CLK4: variants seen among roughly 807,000 people sequenced by gnomAD.
CLK4 encodes dual specificity protein kinase CLK4.
CLK4 carries 37 observed loss-of-function variants against 64.4 expected under a neutral mutation model. The observed-to-expected ratio is 0.57, with a 90% CI of 0.44 to 0.76. The LOEUF (loss-of-function observed/expected upper bound fraction) is 0.76. Ranked by LOEUF, CLK4 falls within the 30% of genes least tolerant of loss-of-function variation. CLK4 has a pLI of 0.00. For missense variants in CLK4, 457 were observed against 605.1 expected (o/e 0.76, Z 2.57); for synonymous variants, 175 against 191.6 (o/e 0.91, Z 0.72).
chr5:178,611,206 T>G (rs1764552176), intron 9 of CLK4, among the ~76,000 whole-genome samples: 1 of 152,142 alleles, frequency 6.6e-6, no homozygotes. Context: ...AAAATCTGAT[T>G]CTTAAAATGA....
chr5:178,606,011 A>C (rs1455999489), intron 10 of CLK4: 1 of 152,252 alleles, frequency 6.6e-6, no homozygotes, highest in Admixed American at 6.5e-5. Flanking sequence ...TGGAGAGCAG[A>C]GGCTGTATGC....
chr5:178,612,367 A>G (rs775523377), intron 9 of CLK4, 49 bp downstream of exon 9: 1 of 1,533,500 alleles, frequency 6.5e-7, no homozygotes, highest in Non-Finnish European at 8.8e-7. Flanking sequence ...TGTAAAGAAC[A>G]AAAATCTCTT....
At chr5:178,606,913 T>C (rs1764474977) in intron 10 of CLK4, among the ~76,000 whole-genome samples, 1 of 151,464 alleles carries the variant, frequency 6.6e-6, no homozygotes, top group South Asian at 2.1e-4. Context: ...TGAGCTGACG[T>C]TGCGCCACTG....
Position 178,617,905 on chromosome 5 carries a change from A to T in CLK4, c.385-471T>A, listed in dbSNP as rs1363483294. 6.6e-6 allele frequency: 1 copy of T among 152,316 alleles called. No homozygotes were observed. Among genetic ancestry groups the T allele is most frequent in the East Asian group, 1.9e-4 (1 of 5,210 alleles). 9.4% of individuals were successfully genotyped at this position (152,316 alleles called of 1,614,324 possible). On this transcript the variant is annotated intron_variant, in intron 3 of 12. Coordinates refer to ENST00000316308, the MANE Select transcript of CLK4 (RefSeq NM_020666.3). The surrounding 1 kb of genome is among the most constrained non-coding windows in gnomAD (Gnocchi z 5.2). ...CATGATTAAAATAAAAGGGGAAAATAAAGGCTAGTTAATTTCAATGTTCAA... is the reference window on the plus strand; with the variant it reads ...CATGATTAAAATAAAAGGGGAAAATTAAGGCTAGTTAATTTCAATGTTCAA...
chr5:178,613,917 A>AACAT, intron 5 of CLK4, 74 bp from the exon 6 acceptor site: 11 of 1,080,036 alleles, frequency 1.0e-5, no homozygotes, highest in Non-Finnish European at 1.6e-5. Flanking sequence ...TCTAAAGCAT[A>AACAT]GTCTTAATTA....
intron 5 of CLK4, among the ~76,000 whole-genome samples, chr5:178,616,021 T>C (rs1313709938): frequency 6.6e-6 from 1 of 152,228 alleles, no homozygotes; most frequent in East Asian, 1.9e-4. Flanking sequence ...TTCTGGGAAA[T>C]TCCTTCACTT....
rs199959394 is a variant in CLK4 at position 178,616,934 on chromosome 5, T to A, written c.490A>T (p.Thr164Ser). 102 of 1,613,254 alleles carry A rather than the reference T, an allele frequency of 6.3e-5. No homozygotes were observed. The African/African-American group carries it at 1.3e-3, about 20-fold the overall frequency. The change falls in exon 5 of 13, where the codon ACT (threonine) becomes TCT (serine). Residue 164 changes from threonine to serine, a missense_variant. Coordinates refer to ENST00000316308, the MANE Select transcript of CLK4 (RefSeq NM_020666.3). The part of the protein sequence containing the change: ...VLRARYEIVD[T>S]LGEGAFGKVV... Reference sequence around the variant, plus strand: ...TTGCCAAAGGCTCCTTCACCCAAAGTGTCCACGATTTCATCTAGAGTGAGG... The same window carrying A: ...TTGCCAAAGGCTCCTTCACCCAAAGAGTCCACGATTTCATCTAGAGTGAGG...
chr5:178,624,033 G>GT (rs1764746739), intron 1 of CLK4, among the ~76,000 whole-genome samples: 1 of 152,192 alleles, frequency 6.6e-6, no homozygotes. Flanking sequence ...AGGTGACTTT[G>GT]TTTTAATGGT....
intron 9 of CLK4, among the ~76,000 whole-genome samples, chr5:178,610,309 A>G (rs1764539182): frequency 6.6e-6 from 1 of 151,404 alleles, no homozygotes; most frequent in African/African-American, 2.4e-5. Flanking sequence ...AAAAAGTTTT[A>G]TTTTTCAACC....
intron 2 of CLK4, chr5:178,622,496 C>T (rs930181421): frequency 7.9e-6 from 7 of 891,174 alleles, no homozygotes; most frequent in African/African-American, 3.6e-5. Flanking sequence ...ACAAAACAAA[C>T]GAAAAAGGGA....
chr5:178,622,184 GTATT>G (rs1764716582), intron 2 of CLK4: 1 of 152,338 alleles, frequency 6.6e-6, no homozygotes, highest in African/African-American at 2.4e-5. Flanking sequence ...AGGGTTTTTT[GTATT>G]TATTAATAGT....
chr5:178,626,692 G>A (rs1037311282), intron 1 of CLK4, among the ~76,000 whole-genome samples: 5 of 145,110 alleles, frequency 3.4e-5, no homozygotes. Context: ...CCAGGCAGCA[G>A]GGGACCGCGA....
rs2113810060 is a variant in CLK4, at chr5:178,617,210, T to C, written c.475+134A>G. On this transcript the variant is annotated intron_variant, in intron 4 of 12. Coordinates refer to ENST00000316308, the MANE Select transcript of CLK4 (RefSeq NM_020666.3). The surrounding 1 kb of genome is among the most constrained non-coding windows in gnomAD (Gnocchi z 5.2). ...TAAATTCTACAGAAAAGAAGAAATA[T>C]AAAAGAACAAACAAACCCACAAAAA... The C allele has an allele frequency of 1.4e-6, 1 of 704,910 alleles. No individual in the cohort carries two copies. The highest frequency in any genetic ancestry group is 2.4e-6 in the Non-Finnish European group (1 of 415,808). The allele number at this position is 704,910 out of a possible 1,614,324, so 43.7% of individuals were successfully genotyped here.
In CLK4 at chr5:178,617,062, C is replaced by T. The variant is rs1022999661; in HGVS notation, c.476-114G>A. On this transcript the variant is annotated intron_variant, in intron 4 of 12. Transcript: ENST00000316308. This position sits in a 1 kb window ranked among gnomAD's most constrained non-coding sequence, Gnocchi z 5.2. Reference sequence around the variant, plus strand: ...TCAAATGATCTCTAACAAAGCATAACTAAGGTTTCAGCACTCAAATTATTT... The same window carrying T: ...TCAAATGATCTCTAACAAAGCATAATTAAGGTTTCAGCACTCAAATTATTT... 11 of 767,034 alleles carry T rather than the reference C, an allele frequency of 1.4e-5. No individual in the cohort carries two copies. Among genetic ancestry groups the T allele is most frequent in the African/African-American group, 3.5e-5 (2 of 56,600 alleles). 47.5% of individuals were successfully genotyped at this position (767,034 alleles called of 1,614,324 possible). A position where few individuals can be genotyped will look rare whatever the true frequency, so the allele number is the denominator to read the frequency against.
At chr5:178,612,120 A>G (rs769126478) in intron 9 of CLK4, among the ~76,000 whole-genome samples, 7 of 151,822 alleles carry the variant, frequency 4.6e-5, no homozygotes, top group Non-Finnish European at 1.0e-4. Context: ...GTACTCATAT[A>G]ACTTCAAAAT....
chr5:178,617,101 T>C lies in CLK4; in HGVS notation c.476-153A>G. ...CTCAAATTATTTTAGTTTCAGCTGCTACAAAAACAATTAGATAGAGCTATC... is the reference window on the plus strand; with the variant it reads ...CTCAAATTATTTTAGTTTCAGCTGCCACAAAAACAATTAGATAGAGCTATC... On this transcript the variant is annotated intron_variant, in intron 4 of 12. Transcript: ENST00000316308. The surrounding 1 kb of genome is among the most constrained non-coding windows in gnomAD (Gnocchi z 5.2). 1 of 661,100 alleles carries C rather than the reference T, an allele frequency of 1.5e-6. No homozygotes were observed. The highest frequency in any genetic ancestry group is 2.7e-6 in the Non-Finnish European group (1 of 377,104). 41.0% of individuals were successfully genotyped at this position (661,100 alleles called of 1,614,324 possible).
chr5:178,612,662 AAAG>A (rs1264265591), intron 8 of CLK4, 117 bp from the exon 9 acceptor site: 15 of 1,213,760 alleles, frequency 1.2e-5, no homozygotes, highest in East Asian at 2.4e-5. Flanking sequence ...TGAGAAAGGC[AAAG>A]AAGGATTACT....
chr5:178,611,668 C>T (rs1238220466), intron 9 of CLK4, among the ~76,000 whole-genome samples: 1 of 152,136 alleles, frequency 6.6e-6, no homozygotes, highest in African/African-American at 2.4e-5. Context: ...TACCAAGTCC[C>T]GTTGGACACA....
At chr5:178,615,788 T>C (rs1764619046) in intron 5 of CLK4, among the ~76,000 whole-genome samples, 1 of 152,218 alleles carries the variant, frequency 6.6e-6, no homozygotes. Flanking sequence ...AGAGCTTCTC[T>C]TACAAAAGTT....
Sources: allele counts gnomAD v4.1 joint callset (sites outside exome capture counted in the v4.1 genomes callset), GRCh38; gene constraint gnomAD v4.1.1; non-coding constraint Gnocchi (gnomAD v3.1); transcripts MANE v1.5; gene names NCBI Gene and HGNC (gene_info 2026-07-23, HGNC 2026-07-21).